BAG6: variants seen among roughly 807,000 people sequenced by gnomAD.
The protein encoded by BAG6 is BAG cochaperone 6, also known as large proline-rich protein BAG6.
A neutral mutation model predicts 121.0 loss-of-function variants in BAG6; 22 were observed. The observed-to-expected ratio is 0.18, with a 90% CI of 0.13 to 0.26. The LOEUF (loss-of-function observed/expected upper bound fraction) is 0.26. BAG6 is among the 10% of genes least tolerant of loss of function. The pLI, the probability that BAG6 is intolerant of heterozygous loss-of-function variation, is 1.00. For missense variants in BAG6, 1,233 were observed against 1,537.7 expected, an observed-to-expected ratio of 0.80 and a Z score of 3.31; for synonymous variants, 583 against 584.6, an observed-to-expected ratio of 1.00 and a Z score of 0.04.
Position 31,641,600 on chromosome 6 carries a change from G to A in BAG6, c.2506-8C>T, listed in dbSNP as rs1262479798. 2 of 1,613,998 alleles carry A rather than the reference G, an allele frequency of 1.2e-6. No homozygotes were observed. Among genetic ancestry groups the A allele is most frequent in the Non-Finnish European group, 1.7e-6 (2 of 1,179,962 alleles). ...CAATGTGTGGGTTGCCATCTGTGGA[G>A]GAAACAGAACAGGTTTAGTTCAAAG... On this transcript the variant is annotated splice_region_variant and splice_polypyrimidine_tract_variant and intron_variant, in intron 17 of 25. Coordinates refer to ENST00000676615, the MANE Select transcript of BAG6 (RefSeq NM_001387994.1). The surrounding 1 kb of genome is among the most constrained non-coding windows in gnomAD (Gnocchi z 5.7).
rs754692845 is a variant in BAG6 at position 31,649,641 on chromosome 6, G to T, written c.109-14C>A. The T allele has an allele frequency of 2.5e-6, 4 of 1,600,462 alleles. No individual in the cohort carries two copies. The African/African-American group carries it at 5.4e-5, about 21-fold the overall frequency. ...TTTTACATTCATCTGAAAAGAAGAG[G>T]CATGCACAGGAATGGAAAGAATGGA... is the stretch of plus-strand genomic sequence containing the variant. On this transcript the variant is annotated splice_polypyrimidine_tract_variant and intron_variant, in intron 2 of 25. Transcript: ENST00000676615.
rs554159674 is a variant in BAG6 at position 31,640,796 on chromosome 6, G to C, written c.2930C>G (p.Pro977Arg). ...ATCGCCCAACAGGTCCCTTACCTGG[G>C]GGGGATCACCAACCCTGCGAACGTA... ...LRYVRRVGDP[P>R]QPLPEEPMEV... is the part of the protein sequence containing the mutation. Residue 977 changes from proline to arginine, a missense_variant, in exon 21 of 26, where the codon CCC becomes CGC. Physicochemically the swap from Pro to Arg is moderately radical, Grantham distance 103. This residue lies in a region of BAG6 where 288 missense variants were observed against 483.1 expected (regional missense o/e 0.60). Transcript: ENST00000676615. The surrounding 1 kb of genome is among the most constrained non-coding windows in gnomAD (Gnocchi z 4.2). 4 of 1,612,704 alleles carry C rather than the reference G, an allele frequency of 2.5e-6. No homozygotes were observed. In the African/African-American group the frequency reaches 4.0e-5, roughly 16 times the overall value.
chr6:31,643,721 C>CAAAAAAAAAAAAAAAAAAAAAA (rs9281540), intron 14 of BAG6, among the ~76,000 whole-genome samples, 169 bp downstream of exon 14: 3 of 66,306 alleles, frequency 4.5e-5, no homozygotes, highest in African/African-American at 1.1e-4. Flanking sequence ...GACTCCATCT[C>CAAAAAAAAAAAAAAAAAAAAAA]AAAAAAAAAA....
intron 7 of BAG6, among the ~76,000 whole-genome samples, chr6:31,646,766 GTTTTT>G (rs66820473): frequency 3.3e-5 from 2 of 60,636 alleles, no homozygotes; most frequent in Non-Finnish European, 5.8e-5. Flanking sequence ...GCTAATTTTT[GTTTTT>G]TTTTTTTTTT....
rs375958321 is a variant in BAG6, at chr6:31,647,673, G to T, written c.706C>A (p.Arg236Ser). Residue 236 changes from arginine to serine, a missense_variant, in exon 7 of 26, where the codon CGT (arginine) becomes AGT (serine). Physicochemically the swap from Arg to Ser is moderately radical, Grantham distance 110. Around this residue, in one of 7 missense-constraint regions of BAG6, gnomAD observed 777 missense variants for 861.4 expected, o/e 0.90. Transcript: ENST00000676615. ...EPMEAEEVEE[R>S]APAQNPELTP... ...AGCTCCGGGTTCTGGGCTGGGGCAC[G>T]CTCCTCCACTTCTTCTGCCTCCATG... 3 of 1,604,060 alleles carry T rather than the reference G, an allele frequency of 1.9e-6. No individual in the cohort carries two copies. The African/African-American group carries it at 4.0e-5, about 22-fold the overall frequency.
intron 1 of BAG6, chr6:31,652,046 A>C (rs1583490972): frequency 2.2e-5 from 8 of 365,868 alleles, no homozygotes; most frequent in Non-Finnish European, 3.6e-5. Context: ...TCAGATTAGG[A>C]AGGAAGCACG....
In BAG6 at chr6:31,641,557, C is replaced by T. The variant is rs767177942; in HGVS notation, c.2541G>A (p.Glu847=). 1.2e-6 allele frequency: 2 copies of T among 1,614,156 alleles called. No individual in the cohort carries two copies. Among genetic ancestry groups the T allele is most frequent in the Non-Finnish European group, 1.7e-6 (2 of 1,179,998 alleles). The change falls in exon 18 of 26, where the codon GAG becomes GAA. Residue 847 remains glutamate, a synonymous_variant. Transcript: ENST00000676615. This position sits in a 1 kb window ranked among gnomAD's most constrained non-coding sequence, Gnocchi z 5.7. ...TACTCACAAAACTCTCCCGCACATA[C>T]TCTTCTAGCCCCGTGATCAATGTGT... ...ATHTLITGLE[E]YVRESFSLVQ... is the part of the protein sequence containing the mutation.
Position 31,643,968 on chromosome 6 carries a change from C to T in BAG6, c.1678G>A (p.Gly560Ser), listed in dbSNP as rs150056339. Reference protein sequence around the residue: ...PPVSGTLQGAGLGTNASLAQM... With the variant: ...PPVSGTLQGASLGTNASLAQM... ...GCCAACGAGGCATTGGTACCCAGACCGGCGCCCTGCTGGATAGAGAGCAAG... is the reference window on the plus strand; with the variant it reads ...GCCAACGAGGCATTGGTACCCAGACTGGCGCCCTGCTGGATAGAGAGCAAG... Residue 560 changes from glycine (G) to serine (S), a missense_variant, in exon 14 of 26, where the codon GGT becomes AGT. This residue lies in a region of BAG6 where 777 missense variants were observed against 861.4 expected (regional missense o/e 0.90). Coordinates refer to ENST00000676615, the MANE Select transcript of BAG6 (RefSeq NM_001387994.1). The T allele has an allele frequency of 4.4e-5, 71 of 1,613,896 alleles. 1 individual carries two copies. Among genetic ancestry groups the T allele is most frequent in the Admixed American group, 6.7e-5 (4 of 59,996 alleles).
intron 9 of BAG6, 102 bp downstream of exon 9, chr6:31,645,305 C>A (rs1187261651): frequency 1.2e-6 from 2 of 1,605,906 alleles, no homozygotes; most frequent in Non-Finnish European, 1.7e-6. Context: ...CACCATGTTT[C>A]CAGTCTCCTC....
In BAG6 at chr6:31,647,808, G is replaced by A. The variant is rs1400428233; in HGVS notation, c.571C>T (p.Pro191Ser). ...SRMECRGGPQ[P>S]QHSQPPPQPP... ...TGCGGGGGCGGCTGACTGTGCTGCG[G>A]TTGGGGCCCTCCTCGACACTGAAGG... is the stretch of plus-strand genomic sequence containing the variant. The change falls in exon 7 of 26, where the codon CCG becomes TCG. Residue 191 changes from proline to serine, a missense_variant. Coordinates refer to ENST00000676615, the MANE Select transcript of BAG6 (RefSeq NM_001387994.1). 3.8e-6 allele frequency: 6 copies of A among 1,562,056 alleles called. No homozygotes were observed. The highest frequency in any genetic ancestry group is 2.3e-5 in the East Asian group (1 of 44,104).
At position 31,641,077 on chromosome 6, in the gene BAG6, A is replaced by C; in HGVS notation, c.2787+27T>G. The C allele has an allele frequency of 6.2e-7, 1 of 1,612,198 alleles. No homozygotes were observed. Among genetic ancestry groups the C allele is most frequent in the Non-Finnish European group, 8.5e-7 (1 of 1,179,502 alleles). The stretch of plus-strand genomic sequence containing the variant: ...TGGAAACCTCAGGAAACAAAAGGCT[A>C]AGGATCTGGGGCTAGGTGGTGCTTA... On this transcript the variant is annotated intron_variant, in intron 20 of 25. Coordinates refer to ENST00000676615, the MANE Select transcript of BAG6 (RefSeq NM_001387994.1). The surrounding 1 kb of genome is among the most constrained non-coding windows in gnomAD (Gnocchi z 5.7).
At chr6:31,650,904 A>G (rs1368122991) in intron 2 of BAG6, among the ~76,000 whole-genome samples, 1 of 152,208 alleles carries the variant, frequency 6.6e-6, no homozygotes, top group Non-Finnish European at 1.5e-5. Flanking sequence ...GACTCAAGCT[A>G]TGCCATAAAA....
Position 31,647,664 on chromosome 6 carries a change from C to T in BAG6, c.715G>A (p.Ala239Thr). ...EAEEVEERAP[A>T]QNPELTPGPA... ...CCAGGAGTGAGCTCCGGGTTCTGGG[C>T]TGGGGCACGCTCCTCCACTTCTTCT... The change falls in exon 7 of 26, where the codon GCC (alanine) becomes ACC (threonine). Residue 239 changes from alanine (A) to threonine (T), a missense_variant. Coordinates refer to ENST00000676615, the MANE Select transcript of BAG6 (RefSeq NM_001387994.1). 6.2e-7 allele frequency: 1 copy of T among 1,604,618 alleles called. No homozygotes were observed. Among genetic ancestry groups the T allele is most frequent in the Non-Finnish European group, 8.5e-7 (1 of 1,176,968 alleles).
In BAG6 at chr6:31,644,019, T is replaced by C. The variant is rs751141785; in HGVS notation, c.1669-42A>G. 4.3e-6 allele frequency: 7 copies of C among 1,613,306 alleles called. No individual in the cohort carries two copies. In the South Asian group the frequency reaches 5.5e-5, roughly 13 times the overall value. On this transcript the variant is annotated intron_variant, in intron 13 of 25. Transcript: ENST00000676615. The surrounding 1 kb of genome is among the most constrained non-coding windows in gnomAD (Gnocchi z 4.9). ...GGAGAATTTCAGACCTGCCCTTCCATGCACCACCACAGGAGTCTCTCCCTA... is the reference window on the plus strand; with the variant it reads ...GGAGAATTTCAGACCTGCCCTTCCACGCACCACCACAGGAGTCTCTCCCTA...
chr6:31,646,214 A>C (rs2844464), intron 8 of BAG6, among the ~76,000 whole-genome samples, 180 bp downstream of exon 8: 1 of 152,046 alleles, frequency 6.6e-6, no homozygotes, highest in African/African-American at 2.4e-5. Flanking sequence ...TCAAACTCCC[A>C]ATCTCAGATG....
At position 31,644,274 on chromosome 6, in the gene BAG6, C is replaced by T; in HGVS notation, c.1555+33G>A. On this transcript the variant is annotated intron_variant, in intron 12 of 25. Coordinates refer to ENST00000676615, the MANE Select transcript of BAG6 (RefSeq NM_001387994.1). This position sits in a 1 kb window ranked among gnomAD's most constrained non-coding sequence, Gnocchi z 4.9. Reference sequence around the variant, plus strand: ...GCCAGCTGCCACCATGGACTGTGCCCTACCTCCCAAGCCTCCCCTTCCAGG... The same window carrying T: ...GCCAGCTGCCACCATGGACTGTGCCTTACCTCCCAAGCCTCCCCTTCCAGG... 6.4e-7 allele frequency: 1 copy of T among 1,556,320 alleles called. No individual in the cohort carries two copies. The highest frequency in any genetic ancestry group is 1.4e-5 in the African/African-American group (1 of 73,340).
In BAG6 at chr6:31,640,407, G is replaced by A. The variant is rs1248872083; in HGVS notation, c.3116C>T (p.Pro1039Leu). 6.2e-7 allele frequency: 1 copy of A among 1,614,010 alleles called. No individual in the cohort carries two copies. Among genetic ancestry groups the A allele is most frequent in the African/African-American group, 1.3e-5 (1 of 74,928 alleles). ...TACTGGGGGGACTGCAGCTGCCCAA[G>A]GTTCTGTCTCAGCTGAAGCTCCATC... ...EQDGASAETE[P>L]WAAAVPPEWV... The change falls in exon 23 of 26, where the codon CCT becomes CTT. Residue 1039 changes from proline to leucine, a missense_variant. Physicochemically the swap from Pro to Leu is moderately conservative, Grantham distance 98. Coordinates refer to ENST00000676615, the MANE Select transcript of BAG6 (RefSeq NM_001387994.1). This position sits in a 1 kb window ranked among gnomAD's most constrained non-coding sequence, Gnocchi z 4.2.
In BAG6 at chr6:31,640,109, A is replaced by C; in HGVS notation, c.3246+90T>G. 1 of 1,318,268 alleles carries C rather than the reference A, an allele frequency of 7.6e-7. No individual in the cohort carries two copies. Among genetic ancestry groups the C allele is most frequent in the Non-Finnish European group, 1.1e-6 (1 of 929,716 alleles). 81.7% of individuals were successfully genotyped at this position (1,318,268 alleles called of 1,614,324 possible). On this transcript the variant is annotated intron_variant, in intron 24 of 25. Coordinates refer to ENST00000676615, the MANE Select transcript of BAG6 (RefSeq NM_001387994.1). This position sits in a 1 kb window ranked among gnomAD's most constrained non-coding sequence, Gnocchi z 4.2. ...ACGAGGGGAGGGGAGACTGAATAAC[A>C]AGAGCTCCCACCATCTCTACATAGT...
At position 31,647,737 on chromosome 6, in the gene BAG6, T is replaced by C. The variant is rs10484558; in HGVS notation, c.642A>G (p.Thr214=). The C allele has an allele frequency of 0.027, 43,474 of 1,604,910 alleles. 1,326 individuals carry two copies. The highest frequency in any genetic ancestry group is 0.11 in the African/African-American group (8,239 of 74,360). ...GTGCTTCACTTTCAACTGGTTCTGA[T>C]GTTTGAGAGCTCAAGGCTACTGGCT... The part of the protein sequence containing the change: ...TPEPVALSSQ[T]SEPVESEAPP... The change falls in exon 7 of 26, where the codon ACA becomes ACG. Residue 214 remains threonine (T), a synonymous_variant. Coordinates refer to ENST00000676615, the MANE Select transcript of BAG6 (RefSeq NM_001387994.1).
Sources: gnomAD v4.1 joint callset for allele counts (sites outside exome capture counted in the v4.1 genomes callset) on GRCh38, gnomAD v4.1.1 for gene constraint, gnomAD v4.1.1 regional missense constraint, Gnocchi (gnomAD v3.1) non-coding constraint, MANE v1.5 for transcripts, NCBI Gene and HGNC (gene_info 2026-07-23, HGNC 2026-07-21) for gene names.